Variants in FARS2 observed in about 807,000 individuals in gnomAD.
FARS2 encodes the protein phenylalanyl-tRNA synthetase 2, mitochondrial, also known as phenylalanine--tRNA ligase, mitochondrial.
FARS2 carries 40 observed loss-of-function variants against 46.4 expected under a neutral mutation model. The ratio of observed to expected loss-of-function variants is 0.86; its 90% confidence interval spans 0.67 to 1.12. The LOEUF (loss-of-function observed/expected upper bound fraction) is 1.12. FARS2 is among the 50% of genes most tolerant of loss of function. FARS2 has a pLI of 0.00. For missense variants in FARS2, 513 were observed against 567.9 expected (o/e 0.90, Z 0.98); for synonymous variants, 234 against 214.9 (o/e 1.09, Z -0.78).
chr6:5,450,648 A>G (rs2150264054), intron 4 of FARS2, among the ~76,000 whole-genome samples: 1 of 152,244 alleles, frequency 6.6e-6, no homozygotes, highest in Middle Eastern at 3.4e-3. Context: ...TGTAGGCCTT[A>G]CAAAAACCAG....
At chr6:5,749,288 G>A (rs1761812816) in intron 6 of FARS2, among the ~76,000 whole-genome samples, 1 of 152,356 alleles carries the variant, frequency 6.6e-6, no homozygotes, top group Non-Finnish European at 1.5e-5. Context: ...AGTGGCTGGG[G>A]ACAGGCAGGC....
intron 4 of FARS2, among the ~76,000 whole-genome samples, chr6:5,460,525 G>A (rs1331967791): frequency 6.6e-6 from 1 of 152,198 alleles, no homozygotes; most frequent in East Asian, 1.9e-4. Context: ...GAACCACACA[G>A]CTGCCCTGGC....
chr6:5,569,071 G>C (rs1772482072), intron 5 of FARS2, among the ~76,000 whole-genome samples: 1 of 151,876 alleles, frequency 6.6e-6, no homozygotes, highest in Non-Finnish European at 1.5e-5. Flanking sequence ...AACTGGGATT[G>C]ACCTGGGTAA....
chr6:5,531,810 A>G (rs1462413786), intron 4 of FARS2, among the ~76,000 whole-genome samples: 1 of 152,170 alleles, frequency 6.6e-6, no homozygotes, highest in Admixed American at 6.5e-5. Flanking sequence ...GACTACATGC[A>G]TGGTTGGAAG....
intron 1 of FARS2, among the ~76,000 whole-genome samples, chr6:5,338,163 T>G (rs1771292659): frequency 6.6e-6 from 1 of 152,194 alleles, no homozygotes; most frequent in African/African-American, 2.4e-5. Context: ...TGGATGTTGT[T>G]TTAATAGACC....
At chr6:5,509,502 C>G (rs1768301242) in intron 4 of FARS2, among the ~76,000 whole-genome samples, 1 of 152,176 alleles carries the variant, frequency 6.6e-6, no homozygotes, top group Non-Finnish European at 1.5e-5. Context: ...TTTTACAATT[C>G]CAGTGCAGCT....
At chr6:5,709,509 G>A (rs58839612) in intron 6 of FARS2, among the ~76,000 whole-genome samples, 3 of 152,246 alleles carry the variant, frequency 2.0e-5, no homozygotes, top group African/African-American at 7.2e-5. Flanking sequence ...CCTTTGGAAA[G>A]TATTCTTTCC....
chr6:5,470,739 A>G (rs1452152089), intron 4 of FARS2, among the ~76,000 whole-genome samples: 2 of 152,224 alleles, frequency 1.3e-5, no homozygotes, highest in Non-Finnish European at 2.9e-5. Context: ...AAATTCCAAG[A>G]AAAACAAGGC....
chr6:5,655,283 G>A (rs1048499160), intron 6 of FARS2, among the ~76,000 whole-genome samples: 1 of 152,058 alleles, frequency 6.6e-6, no homozygotes, highest in African/African-American at 2.4e-5. Context: ...TCTTTCCTTG[G>A]TGTTTGAGCA....
At chr6:5,350,612 T>C (rs1190005724) in intron 1 of FARS2, among the ~76,000 whole-genome samples, 2 of 152,152 alleles carry the variant, frequency 1.3e-5, no homozygotes, top group Non-Finnish European at 2.9e-5. Context: ...TCCTGGAACA[T>C]TTGGACATCC....
Position 5,510,070 on chromosome 6 carries a change from C to A in FARS2, c.905-35110C>A, listed in dbSNP as rs149743050. ...TGGATAGATGGCAAGAAGGCAGCAC[C>A]GCTAGATTTTTATAGGACAACCAAA... On this transcript the variant is annotated intron_variant, in intron 4 of 6. Coordinates refer to ENST00000274680, the MANE Select transcript of FARS2 (RefSeq NM_006567.5). 5.5e-4 allele frequency among the ~76,000 whole-genome samples: 83 copies of A among 152,134 alleles called. 1 individual carries two copies. The highest frequency in any genetic ancestry group is 1.9e-3 in the African/African-American group (78 of 41,490).
intron 4 of FARS2, among the ~76,000 whole-genome samples, chr6:5,517,320 T>A (rs1223808935): frequency 6.6e-6 from 1 of 152,062 alleles, no homozygotes; most frequent in African/African-American, 2.4e-5. Flanking sequence ...AGTATAAATA[T>A]ACACTGAGGT....
At chr6:5,666,194 G>C (rs1489400218) in intron 6 of FARS2, among the ~76,000 whole-genome samples, 1 of 152,160 alleles carries the variant, frequency 6.6e-6, no homozygotes, top group Non-Finnish European at 1.5e-5. Flanking sequence ...GGCTGTGTAA[G>C]GAAGAATCCA....
intron 4 of FARS2, among the ~76,000 whole-genome samples, chr6:5,472,261 G>A (rs764033237): frequency 9.9e-5 from 15 of 152,256 alleles, no homozygotes; most frequent in Admixed American, 1.3e-4. Context: ...CAGCATATGC[G>A]CTGCTGTTAA....
intron 4 of FARS2, among the ~76,000 whole-genome samples, chr6:5,494,346 G>C (rs559956760): frequency 6.6e-6 from 1 of 152,144 alleles, no homozygotes; most frequent in Non-Finnish European, 1.5e-5. Context: ...GGCGGAGAAC[G>C]CTCAGGAGGC....
chr6:5,336,320 T>C (rs1771155362), intron 1 of FARS2, among the ~76,000 whole-genome samples: 1 of 151,806 alleles, frequency 6.6e-6, no homozygotes, highest in Non-Finnish European at 1.5e-5. Flanking sequence ...AACAGAGACA[T>C]GGCAGTCTGA....
At chr6:5,429,170 G>A (rs1327323985) in intron 3 of FARS2, among the ~76,000 whole-genome samples, 1 of 152,132 alleles carries the variant, frequency 6.6e-6, no homozygotes, top group Non-Finnish European at 1.5e-5. Context: ...TGTCTTGATT[G>A]TGGTGACAGT....
At position 5,444,092 on chromosome 6, in the gene FARS2, CGTGT is replaced by C. The variant is rs35213574; in HGVS notation, c.904+12951_904+12954del. ...AAGCCACTGATATATGGAAGATCCT[CGTGT>C]GTGTGTGTGTGTGTGTGTGTGTGTG... On this transcript the variant is annotated intron_variant, in intron 4 of 6. Coordinates refer to ENST00000274680, the MANE Select transcript of FARS2 (RefSeq NM_006567.5). Among the ~76,000 whole-genome samples, 713 of 146,312 alleles carry C rather than the reference CGTGT, an allele frequency of 4.9e-3. 10 individuals are homozygous for C. The highest frequency in any genetic ancestry group is 0.017 in the East Asian group (82 of 4,932).
intron 5 of FARS2, among the ~76,000 whole-genome samples, chr6:5,611,131 G>C (rs1409035324): frequency 6.6e-6 from 1 of 152,216 alleles, no homozygotes; most frequent in African/African-American, 2.4e-5. Context: ...CAGCCATGAA[G>C]TAAGTAAGTA....
Sources: allele counts gnomAD v4.1 joint callset (sites outside exome capture counted in the v4.1 genomes callset), GRCh38; gene constraint gnomAD v4.1.1; transcripts MANE v1.5; gene names NCBI Gene and HGNC (gene_info 2026-07-23, HGNC 2026-07-21).